DICER1: variants seen among roughly 807,000 people sequenced by gnomAD.
The protein encoded by DICER1 is endoribonuclease Dicer.
DICER1 carries 43 observed loss-of-function variants against 194.1 expected under a neutral mutation model. The ratio of observed to expected loss-of-function variants is 0.22; its 90% CI spans 0.17 to 0.29. The LOEUF is 0.29. Among genes scored for constraint, DICER1 ranks in the 10% least tolerant of loss-of-function variants. DICER1 has a pLI of 1.00. For missense variants in DICER1, 1,608 were observed against 2,317.0 expected, an observed-to-expected ratio of 0.69 and a Z score of 6.28; for synonymous variants, 832 against 820.5, an observed-to-expected ratio of 1.01 and a Z score of -0.24.
chr14:95,129,347 C>T, intron 6 of DICER1, 125 bp downstream of exon 6: 1 of 856,184 alleles, frequency 1.2e-6, no homozygotes, highest in Admixed American at 1.9e-5. Flanking sequence ...TACTCTTGCC[C>T]ATTCCTTTTT....
In DICER1 at chr14:95,129,616, G is replaced by A. The variant is rs1060503642; in HGVS notation, c.590C>T (p.Pro197Leu). The change falls in exon 6 of 27, where the codon CCA (proline) becomes CTA (leucine). Residue 197 changes from proline (P) to leucine (L), a missense_variant. By Grantham distance (98) the Pro-to-Leu change is moderately conservative. Transcript: ENST00000343455. Reference protein sequence around the residue: ...REIMKLCENCPSCPRILGLTA... With the variant: ...REIMKLCENCLSCPRILGLTA... ...TAGTCCCAAAATGCGAGGACATGATGGACAATTTTCACAGAGCTAACATAA... is the reference window on the plus strand; with the variant it reads ...TAGTCCCAAAATGCGAGGACATGATAGACAATTTTCACAGAGCTAACATAA... 2 of 1,611,962 alleles carry A rather than the reference G, an allele frequency of 1.2e-6. No individual in the cohort carries two copies. The highest frequency in any genetic ancestry group is 1.7e-6 in the Non-Finnish European group (2 of 1,179,806).
In DICER1 at chr14:95,126,617, T is replaced by G; in HGVS notation, c.866A>C (p.His289Pro). ...TAAAGTAGAATCTCTTTCTTTTGAATGTACAGATATATTACAATCATTGAT... is the reference window on the plus strand; with the variant it reads ...TAAAGTAGAATCTCTTTCTTTTGAAGGTACAGATATATTACAATCATTGAT... The part of the protein sequence containing the change: ...NFINDCNISV[H>P]SKERDSTLIS... The change falls in exon 7 of 27, where the codon CAT becomes CCT. Residue 289 changes from histidine (H) to proline (P), a missense_variant. Physicochemically the swap from His to Pro is moderately conservative, Grantham distance 77. Around this residue, in one of 10 missense-constraint regions of DICER1, gnomAD observed 657 missense variants for 910.1 expected, o/e 0.72. Transcript: ENST00000343455. 1 of 1,554,610 alleles carries G rather than the reference T, an allele frequency of 6.4e-7. No homozygotes were observed. The highest frequency in any genetic ancestry group is 8.9e-7 in the Non-Finnish European group (1 of 1,126,152).
At chr14:95,132,491 C>G in intron 3 of DICER1, 24 bp downstream of exon 3, 2 of 1,612,710 alleles carry the variant, frequency 1.2e-6, no homozygotes, top group Non-Finnish European at 1.7e-6. Context: ...CCCTGCACAA[C>G]TTGATAAAAT....
chr14:95,103,645 T>G lies in DICER1; in HGVS notation c.3751A>C (p.Thr1251Pro), dbSNP rs1595365057. Residue 1251 changes from threonine to proline, a missense_variant, in exon 21 of 27, where the codon ACC becomes CCC. Physicochemically the swap from Thr to Pro is conservative, Grantham distance 38. Around this residue, in one of 10 missense-constraint regions of DICER1, gnomAD observed 222 missense variants for 215.5 expected, o/e 1.03. Transcript: ENST00000343455. ...GCCATCACAGGACTTCCATCTGAGG[T>G]AGATTTGTTAGCATTTCCATCAAGG... is the stretch of plus-strand genomic sequence containing the variant. ...KYLDGNANKS[T>P]SDGSPVMAVM... 1 of 1,614,118 alleles carries G rather than the reference T, an allele frequency of 6.2e-7. No homozygotes were observed.
chr14:95,115,774 G>C lies in DICER1; in HGVS notation c.1800C>G (p.Asp600Glu). The C allele has an allele frequency of 6.2e-7, 1 of 1,614,096 alleles. No homozygotes were observed. The highest frequency in any genetic ancestry group is 2.2e-5 in the East Asian group (1 of 44,888). ...CSKSVDTGETDIDPVMDDDDV... is the reference protein window; with the variant it reads ...CSKSVDTGETEIDPVMDDDDV... Reference sequence around the variant, plus strand: ...CATCATCATCCATGACAGGATCAATGTCAGTCTCACCAGTATCAACCGACT... The same window carrying C: ...CATCATCATCCATGACAGGATCAATCTCAGTCTCACCAGTATCAACCGACT... Residue 600 changes from aspartate to glutamate, a missense_variant, in exon 11 of 27, where the codon GAC becomes GAG. By Grantham distance (45) the Asp-to-Glu change is conservative. This residue lies in a region of DICER1 where 657 missense variants were observed against 910.1 expected (regional missense o/e 0.72). Transcript: ENST00000343455.
intron 24 of DICER1, among the ~76,000 whole-genome samples, chr14:95,091,770 T>C (rs1408740369): frequency 2.0e-5 from 3 of 152,172 alleles, no homozygotes; most frequent in Non-Finnish European, 2.9e-5. Context: ...ATAGTACTAA[T>C]TGGTCTGGTG....
chr14:95,141,076 A>G (rs1894799775), intron 1 of DICER1: 1 of 152,208 alleles, frequency 6.6e-6, no homozygotes, highest in Non-Finnish European at 1.5e-5. Context: ...GGTATTTTAT[A>G]GAAAAATGAA....
At chr14:95,134,869 A>G (rs943794237) in intron 1 of DICER1, among the ~76,000 whole-genome samples, 6 of 152,098 alleles carry the variant, frequency 3.9e-5, no homozygotes, top group Non-Finnish European at 5.9e-5. Flanking sequence ...TTAACCCATA[A>G]TTTCCCTGGA....
At chr14:95,116,313 G>T in intron 10 of DICER1, 140 bp downstream of exon 10, 1 of 1,055,820 alleles carries the variant, frequency 9.5e-7, no homozygotes, top group Non-Finnish European at 1.4e-6. Context: ...TCCTTACAAT[G>T]TACACAGAGT....
intron 23 of DICER1, among the ~76,000 whole-genome samples, chr14:95,095,061 T>C (rs904929151): frequency 6.6e-6 from 1 of 152,246 alleles, no homozygotes; most frequent in Admixed American, 6.5e-5. Flanking sequence ...TTTCACTTTT[T>C]GGTTTTTACA....
intron 14 of DICER1, 84 bp downstream of exon 14, chr14:95,111,233 G>T: frequency 6.4e-7 from 1 of 1,550,790 alleles, no homozygotes; most frequent in Non-Finnish European, 8.9e-7. Context: ...TGGGAAGCCA[G>T]CCAAGCAGAG....
At chr14:95,118,775 G>C (rs185954094) in intron 8 of DICER1, among the ~76,000 whole-genome samples, 66 of 151,116 alleles carry the variant, frequency 4.4e-4, no homozygotes, top group African/African-American at 1.5e-3. Flanking sequence ...ATAGAAAATT[G>C]CATTTTTAAG....
At chr14:95,142,188 G>A (rs1441623518) in intron 1 of DICER1, among the ~76,000 whole-genome samples, 2 of 151,708 alleles carry the variant, frequency 1.3e-5, no homozygotes, top group African/African-American at 4.8e-5. Context: ...GAACTCCTGG[G>A]CTCAAGTGAT....
chr14:95,130,278 T>C (rs1893846073), intron 4 of DICER1, 86 bp from the exon 5 acceptor site: 2 of 1,331,808 alleles, frequency 1.5e-6, no homozygotes, highest in Non-Finnish European at 1.1e-6. Flanking sequence ...AGCCATTGTA[T>C]CATAAGTGAG....
chr14:95,147,617 A>C (rs1404168962), intron 1 of DICER1, among the ~76,000 whole-genome samples: 2 of 152,220 alleles, frequency 1.3e-5, no homozygotes, highest in South Asian at 2.1e-4. Context: ...CCCCAACAAC[A>C]AGCAAGCCAT....
chr14:95,138,996 A>T (rs1184475112), intron 1 of DICER1, among the ~76,000 whole-genome samples: 13 of 4,246 alleles, frequency 3.1e-3, no homozygotes, highest in South Asian at 0.016. Context: ...TAAAAAAATA[A>T]AAAAAAAAAA....
intron 8 of DICER1, among the ~76,000 whole-genome samples, chr14:95,122,969 A>AAG (rs201925365): frequency 0.016 from 2,051 of 130,316 alleles, 52 homozygotes; most frequent in African/African-American, 0.06. Context: ...CAAAGAAAGA[A>AAG]AAAGAAAAAA....
rs966734838 is a variant in DICER1 at position 95,104,181 on chromosome 14, G to C, written c.3270-55C>G. ...AGATTCTTCAAAACAGCTAGGCTGA[G>C]AGCAACAGCAATTTGAATTTAAAAA... On this transcript the variant is annotated intron_variant, in intron 20 of 26. Coordinates refer to ENST00000343455, the MANE Select transcript of DICER1 (RefSeq NM_177438.3). The C allele has an allele frequency of 7.3e-5, 102 of 1,397,786 alleles. No homozygotes were observed. The East Asian group carries it at 2.2e-3, about 31-fold the overall frequency. The allele number at this position is 1,397,786 out of a possible 1,614,324, so 86.6% of individuals were successfully genotyped here.
Position 95,108,390 on chromosome 14 carries a change from C to T in DICER1, c.2370G>A (p.Arg790=), listed in dbSNP as rs112712209. 2,243 of 1,614,012 alleles carry T rather than the reference C, an allele frequency of 1.4e-3. 34 individuals carry two copies. The African/African-American group carries it at 0.026, about 19-fold the overall frequency. ...PLPDELNFRR[R]KLYPPEDTTR... is the part of the protein sequence containing the mutation. ...TGGTATCTTCAGGAGGATAGAGCTT[C>T]CGCCTTCTAAAGTTGAGTTCATCAG... is the stretch of plus-strand genomic sequence containing the variant. Residue 790 remains arginine (R), a synonymous_variant, in exon 15 of 27, where the codon CGG becomes CGA. Coordinates refer to ENST00000343455, the MANE Select transcript of DICER1 (RefSeq NM_177438.3).
Sources: gnomAD v4.1 joint callset for allele counts (sites outside exome capture counted in the v4.1 genomes callset) on GRCh38, gnomAD v4.1.1 for gene constraint, gnomAD v4.1.1 regional missense constraint, MANE v1.5 for transcripts, NCBI Gene and HGNC (gene_info 2026-07-23, HGNC 2026-07-21) for gene names.